TTC28: variants seen among roughly 807,000 people sequenced by gnomAD.
TTC28 encodes tetratricopeptide repeat protein 28.
Under a neutral mutation model 198.0 loss-of-function variants are expected in TTC28, and 61 were observed. The observed-to-expected ratio is 0.31, with a 90% CI of 0.25 to 0.38. The LOEUF is 0.38. TTC28 is among the 10% of genes least tolerant of loss of function. The probability of loss-of-function intolerance (pLI) is 1.00; values close to 1 mark genes in which losing one functional copy is unlikely to be tolerated. For synonymous variants in TTC28, 1,171 were observed against 1,297.8 expected (o/e 0.90, Z 2.10); for missense variants, 2,678 against 3,164.0 (o/e 0.85, Z 3.69).
chr22:28,181,524 G>A (rs575494783), intron 5 of TTC28, among the ~76,000 whole-genome samples: 1 of 152,232 alleles, frequency 6.6e-6, no homozygotes, highest in Middle Eastern at 3.4e-3. Flanking sequence ...AATTTATAAT[G>A]ATTTCATTTT....
chr22:28,227,493 A>C (rs1171778005), intron 5 of TTC28, among the ~76,000 whole-genome samples: 1 of 152,190 alleles, frequency 6.6e-6, no homozygotes, highest in Non-Finnish European at 1.5e-5. Flanking sequence ...ATATACCTAA[A>C]AAGGGATTTA....
chr22:28,384,598 T>C (rs1354177844), intron 2 of TTC28, among the ~76,000 whole-genome samples: 1 of 152,230 alleles, frequency 6.6e-6, no homozygotes, highest in Non-Finnish European at 1.5e-5. Flanking sequence ...TACGTGGTGA[T>C]GAAACGAAGG....
At chr22:28,468,898 G>T (rs1354968273) in intron 2 of TTC28, among the ~76,000 whole-genome samples, 1 of 151,956 alleles carries the variant, frequency 6.6e-6, no homozygotes, top group African/African-American at 2.4e-5. Context: ...TAAGAGCAAA[G>T]GGATGATAAT....
chr22:28,623,309 T>G (rs558566204), intron 2 of TTC28, among the ~76,000 whole-genome samples: 1 of 152,240 alleles, frequency 6.6e-6, no homozygotes, highest in Non-Finnish European at 1.5e-5. Flanking sequence ...ATACATTGCA[T>G]AACGGTAAAA....
At chr22:28,677,473 C>G (rs1255887761) in intron 1 of TTC28, among the ~76,000 whole-genome samples, 5 of 151,966 alleles carry the variant, frequency 3.3e-5, no homozygotes, top group Admixed American at 6.6e-5. Context: ...ATAGGGAAAC[C>G]CAGTCTCTAC....
rs1335982090 is a variant in TTC28, at chr22:28,595,308, C to T, written c.381+34244G>A. Among the ~76,000 whole-genome samples the T allele has an allele frequency of 2.6e-5, 4 of 152,092 alleles. No homozygotes were observed. The East Asian group carries it at 7.7e-4, about 29-fold the overall frequency. On this transcript the variant is annotated intron_variant, in intron 2 of 22. Coordinates refer to ENST00000397906, the MANE Select transcript of TTC28 (RefSeq NM_001145418.2). ...AAGGTTAAGTAAAGTATTAGAAAGT[C>T]AAGAATTGGTCAGTAACTAATCAGC...
rs570786798 is a variant in TTC28 at position 28,248,116 on chromosome 22, TA to T, written c.933+48081del. Among the ~76,000 whole-genome samples the T allele has an allele frequency of 6.6e-5, 10 of 152,322 alleles. No individual in the cohort carries two copies. In the South Asian group the frequency reaches 2.1e-3, roughly 32 times the overall value. Reference sequence around the variant, plus strand: ...GTCAGTATTAGTAAGTGGCCTATGATAAATGACCCATTCAACTCTGCAGTAA... The same window carrying T: ...GTCAGTATTAGTAAGTGGCCTATGATAATGACCCATTCAACTCTGCAGTAA... On this transcript the variant is annotated intron_variant, in intron 5 of 22. Transcript: ENST00000397906.
intron 5 of TTC28, among the ~76,000 whole-genome samples, chr22:28,230,575 T>C (rs972994033): frequency 6.6e-6 from 1 of 152,302 alleles, no homozygotes; most frequent in Admixed American, 6.5e-5. Flanking sequence ...ACATTTCCTT[T>C]ACATGCCATG....
At chr22:28,357,326 T>TA (rs1285207132) in intron 2 of TTC28, among the ~76,000 whole-genome samples, 1 of 147,952 alleles carries the variant, frequency 6.8e-6, no homozygotes, top group African/African-American at 2.5e-5. Context: ...TTTTTTTTTT[T>TA]TTTTTTTTTT....
chr22:28,544,233 AAAAC>A (rs1299290285), intron 2 of TTC28, among the ~76,000 whole-genome samples: 15 of 152,264 alleles, frequency 9.9e-5, no homozygotes, highest in African/African-American at 2.9e-4. Context: ...AACAAAAACA[AAAAC>A]AAACAAACAA....
intron 2 of TTC28, among the ~76,000 whole-genome samples, chr22:28,541,701 G>A (rs906675283): frequency 5.9e-5 from 9 of 151,730 alleles, no homozygotes; most frequent in African/African-American, 1.9e-4. Context: ...ATGTTCAAGT[G>A]TTTTTAAATA....
chr22:28,182,706 A>G (rs903153937), intron 5 of TTC28, among the ~76,000 whole-genome samples: 2 of 152,220 alleles, frequency 1.3e-5, no homozygotes, highest in Admixed American at 6.5e-5. Context: ...ATGCTCAGGA[A>G]CAAATGTCCC....
intron 8 of TTC28, among the ~76,000 whole-genome samples, chr22:28,102,660 G>A (rs9625405): frequency 0.065 from 9,947 of 152,228 alleles, 390 homozygotes; most frequent in South Asian, 0.089. Context: ...GTAGATGGAA[G>A]CCTGCCTCTG....
intron 1 of TTC28, among the ~76,000 whole-genome samples, chr22:28,659,500 T>G (rs2051709434): frequency 6.6e-6 from 1 of 152,126 alleles, no homozygotes; most frequent in South Asian, 2.1e-4. Flanking sequence ...ACTCCTGAAC[T>G]CAAGTGATCC....
chr22:28,099,670 T>C (rs901415235), intron 9 of TTC28, among the ~76,000 whole-genome samples: 3 of 152,246 alleles, frequency 2.0e-5, no homozygotes, highest in African/African-American at 7.2e-5. Context: ...ACTTACGGTC[T>C]TAAAGATATT....
At chr22:28,313,068 A>G (rs1336851530) in intron 2 of TTC28, among the ~76,000 whole-genome samples, 1 of 152,232 alleles carries the variant, frequency 6.6e-6, no homozygotes, top group Non-Finnish European at 1.5e-5. Flanking sequence ...CTACCATCAG[A>G]GTATACTATA....
At position 28,334,103 on chromosome 22, in the gene TTC28, T is replaced by C. The variant is rs146733079; in HGVS notation, c.382-27460A>G. Reference sequence around the variant, plus strand: ...ACCTATGAGTGACAACATAAGGTGTTTGGTTTTTTCTCCTTGCGATAGTTT... The same window carrying C: ...ACCTATGAGTGACAACATAAGGTGTCTGGTTTTTTCTCCTTGCGATAGTTT... On this transcript the variant is annotated intron_variant, in intron 2 of 22. Transcript: ENST00000397906. Among the ~76,000 whole-genome samples the C allele has an allele frequency of 7.0e-3, 1,064 of 151,344 alleles. 16 individuals are homozygous for C. The highest frequency in any genetic ancestry group is 0.025 in the African/African-American group (1,019 of 41,248).
chr22:28,661,065 A>T (rs1265071876), intron 1 of TTC28, among the ~76,000 whole-genome samples: 1 of 151,664 alleles, frequency 6.6e-6, no homozygotes, highest in Middle Eastern at 3.4e-3. Context: ...TGAGCGGATC[A>T]CCTGAGGTCG....
rs149076519 is a variant in TTC28 at position 28,322,111 on chromosome 22, T to C, written c.382-15468A>G. On this transcript the variant is annotated intron_variant, in intron 2 of 22. Coordinates refer to ENST00000397906, the MANE Select transcript of TTC28 (RefSeq NM_001145418.2). ...TCCACAGGTGCTGGGATTACAGGCATGAGCCACCGTGCCTGGCCAATAATT... is the reference window on the plus strand; with the variant it reads ...TCCACAGGTGCTGGGATTACAGGCACGAGCCACCGTGCCTGGCCAATAATT... 1.7e-3 allele frequency among the ~76,000 whole-genome samples: 265 copies of C among 152,310 alleles called. 4 individuals are homozygous for C. The East Asian group carries it at 0.043, about 25-fold the overall frequency.
Sources: allele counts gnomAD v4.1 joint callset (sites outside exome capture counted in the v4.1 genomes callset), GRCh38; gene constraint gnomAD v4.1.1; transcripts MANE v1.5; gene names NCBI Gene and HGNC (gene_info 2026-07-23, HGNC 2026-07-21).